Variants in EIF3H observed in about 807,000 individuals in gnomAD.
EIF3H encodes eukaryotic translation initiation factor 3 subunit H.
A neutral mutation model predicts 44.2 loss-of-function variants in EIF3H; 26 were observed. The observed-to-expected ratio is 0.59, with a 90% CI of 0.43 to 0.82. The LOEUF is 0.82. Among genes scored for constraint, EIF3H ranks in the 40% least tolerant of loss-of-function variants. EIF3H has a pLI of 0.00. For synonymous variants in EIF3H, 166 were observed against 151.9 expected (o/e 1.09, Z -0.68); for missense variants, 359 against 432.8 (o/e 0.83, Z 1.51).
chr8:116,764,727 C>T (rs1815550744), intron 1 of EIF3H, among the ~76,000 whole-genome samples: 1 of 152,134 alleles, frequency 6.6e-6, no homozygotes, highest in Non-Finnish European at 1.5e-5. Flanking sequence ...CTATTTTGCC[C>T]AGGCTGGTTT....
At chr8:116,711,457 A>G (rs922865749) in intron 2 of EIF3H, among the ~76,000 whole-genome samples, 1 of 152,364 alleles carries the variant, frequency 6.6e-6, no homozygotes, top group Middle Eastern at 3.4e-3. Context: ...AAATTAAAAT[A>G]TTAAGAAGAA....
chr8:116,744,600 T>C (rs995882041), intron 1 of EIF3H, among the ~76,000 whole-genome samples: 12 of 152,236 alleles, frequency 7.9e-5, no homozygotes, highest in Admixed American at 1.3e-4. Flanking sequence ...TAATCTTTAC[T>C]GCATATAGCC....
chr8:116,657,109 T>A, intron 4 of EIF3H, 106 bp downstream of exon 4: 1 of 959,010 alleles, frequency 1.0e-6, no homozygotes, highest in African/African-American at 1.6e-5. Context: ...ACAGTCCACA[T>A]GGCAAAAGCA....
rs75782608 is a variant in EIF3H, at chr8:116,671,486, C to T, written c.290-12506G>A. Among the ~76,000 whole-genome samples, 853 of 152,244 alleles carry T rather than the reference C, an allele frequency of 5.6e-3. 7 individuals are homozygous for T. Among genetic ancestry groups the T allele is most frequent in the African/African-American group, 0.02 (834 of 41,536 alleles). ...AAAAGATTATGAGGCTCAGTTAGAC[C>T]AACGCGTTAAATGGCTTTCTCCTTA... On this transcript the variant is annotated intron_variant, in intron 2 of 7. Transcript: ENST00000521861.
chr8:116,739,466 C>T (rs964946377), intron 1 of EIF3H, among the ~76,000 whole-genome samples: 3 of 152,078 alleles, frequency 2.0e-5, no homozygotes, highest in African/African-American at 7.2e-5. Flanking sequence ...CTGGCTAAAA[C>T]GGTGAAACCC....
intron 6 of EIF3H, among the ~76,000 whole-genome samples, chr8:116,647,947 T>C (rs1159423058): frequency 6.6e-6 from 1 of 152,186 alleles, no homozygotes; most frequent in Non-Finnish European, 1.5e-5. Flanking sequence ...AATACTGATT[T>C]ACATATGTTT....
rs1387492569 is a variant in EIF3H at position 116,709,296 on chromosome 8, TTTTAAAA to T, written c.289+16713_289+16719del. Among the ~76,000 whole-genome samples, 8 of 152,276 alleles carry T rather than the reference TTTTAAAA, an allele frequency of 5.3e-5. No individual in the cohort carries two copies. In the East Asian group the frequency reaches 1.3e-3, roughly 26 times the overall value. On this transcript the variant is annotated intron_variant, in intron 2 of 7. Transcript: ENST00000521861. ...AAGACAACCCTTTGCCCAAAAAATT[TTTTAAAA>T]AGGAGCAGGTCTTATTTTAAATGTT... is the stretch of plus-strand genomic sequence containing the variant.
At chr8:116,681,581 G>A (rs749636166) in intron 2 of EIF3H, among the ~76,000 whole-genome samples, 8 of 147,062 alleles carry the variant, frequency 5.4e-5, no homozygotes, top group South Asian at 2.1e-4. Flanking sequence ...CAGGAGAATC[G>A]CTTGAACCCG....
intron 2 of EIF3H, among the ~76,000 whole-genome samples, chr8:116,673,785 A>T (rs1813795599): frequency 6.6e-6 from 1 of 152,132 alleles, no homozygotes; most frequent in Non-Finnish European, 1.5e-5. Flanking sequence ...AAAGAGGAAT[A>T]CTTGGGCCGG....
At chr8:116,687,810 A>T (rs1814101573) in intron 2 of EIF3H, among the ~76,000 whole-genome samples, 1 of 152,204 alleles carries the variant, frequency 6.6e-6, no homozygotes, top group Non-Finnish European at 1.5e-5. Flanking sequence ...CATGAAAGCA[A>T]TCATTCATTT....
chr8:116,726,220 T>C (rs1230251361), intron 1 of EIF3H, 48 bp from the exon 2 acceptor site: 2 of 1,524,452 alleles, frequency 1.3e-6, no homozygotes. Context: ...TCCTAGTTTA[T>C]TATTTCCTTT....
At position 116,683,488 on chromosome 8, in the gene EIF3H, TC is replaced by T. The variant is rs1410807977; in HGVS notation, c.290-24509del. Among the ~76,000 whole-genome samples the T allele has an allele frequency of 8.5e-5, 13 of 152,080 alleles. No individual in the cohort carries two copies. The South Asian group carries it at 2.7e-3, about 32-fold the overall frequency. On this transcript the variant is annotated intron_variant, in intron 2 of 7. Transcript: ENST00000521861. ...ATTACCTCATCTAACCCTAAGTACC[TC>T]CCCAAAGGCCCACCTCCAGCTATCA...
chr8:116,648,844 T>C lies in EIF3H; in HGVS notation c.790A>G (p.Met264Val), dbSNP rs943231593. 7 of 1,611,304 alleles carry C rather than the reference T, an allele frequency of 4.3e-6. No homozygotes were observed. Among genetic ancestry groups the C allele is most frequent in the Non-Finnish European group, 5.9e-6 (7 of 1,178,740 alleles). Residue 264 changes from methionine to valine, a missense_variant, in exon 6 of 8, where the codon ATG (methionine) becomes GTG (valine). Coordinates refer to ENST00000521861, the MANE Select transcript of EIF3H (RefSeq NM_003756.3). ...SQDIVKYNTY[M>V]RNTSKQQQQK... ...TGCTGTTGTTTACTAGTATTCCTCA[T>C]GTATGTGTTGTATTTAACTATATCT...
chr8:116,675,099 T>A lies in EIF3H; in HGVS notation c.290-16119A>T, dbSNP rs556088236. Among the ~76,000 whole-genome samples, 110 of 137,104 alleles carry A rather than the reference T, an allele frequency of 8.0e-4. 3 individuals carry two copies. In the South Asian group the frequency reaches 0.022, roughly 27 times the overall value. The allele number at this position is 137,104 out of a possible 152,430, so 89.9% of individuals were successfully genotyped here. On this transcript the variant is annotated intron_variant, in intron 2 of 7. Transcript: ENST00000521861. The stretch of plus-strand genomic sequence containing the variant: ...ATCTATCCTCAAAAACTTTATTGAT[T>A]TATAAAAAAATCTCTTTGTATTTTT...
intron 2 of EIF3H, among the ~76,000 whole-genome samples, chr8:116,663,377 T>G (rs565149799): frequency 1.3e-5 from 2 of 152,306 alleles, no homozygotes; most frequent in East Asian, 3.9e-4. Flanking sequence ...AAGCTTCAAT[T>G]TTTGTTCTCA....
chr8:116,724,407 A>T (rs1252473463), intron 2 of EIF3H, among the ~76,000 whole-genome samples: 1 of 152,222 alleles, frequency 6.6e-6, no homozygotes, highest in Non-Finnish European at 1.5e-5. Context: ...TATCTTCAAT[A>T]CAATACCAAA....
upstream of EIF3H, among the ~76,000 whole-genome samples, chr8:116,757,694 T>TA (rs948389921): frequency 6.6e-6 from 1 of 151,544 alleles, no homozygotes; most frequent in Non-Finnish European, 1.5e-5. Flanking sequence ...ATGGCAATCT[T>TA]AAGCCCAAAT....
chr8:116,687,653 C>CA (rs1383182092), intron 2 of EIF3H, among the ~76,000 whole-genome samples: 1 of 152,168 alleles, frequency 6.6e-6, no homozygotes, highest in Non-Finnish European at 1.5e-5. Context: ...AAAACTGCAT[C>CA]ATTTCCAATG....
chr8:116,654,147 T>C (rs1243835509), intron 5 of EIF3H, among the ~76,000 whole-genome samples: 5 of 152,238 alleles, frequency 3.3e-5, no homozygotes, highest in African/African-American at 9.6e-5. Flanking sequence ...TCATTTTTTT[T>C]CCTCCTAACA....
Sources: allele counts gnomAD v4.1 joint callset (sites outside exome capture counted in the v4.1 genomes callset), GRCh38; gene constraint gnomAD v4.1.1; transcripts MANE v1.5; gene names NCBI Gene and HGNC (gene_info 2026-07-23, HGNC 2026-07-21).